Variants in SHROOM4 observed in about 807,000 individuals in gnomAD.
SHROOM4 encodes the protein protein Shroom4.
In SHROOM4, 17 loss-of-function variants were observed where a neutral mutation model predicts 80.3. The ratio of observed to expected loss-of-function variants is 0.21; its 90% CI spans 0.14 to 0.32. The LOEUF (loss-of-function observed/expected upper bound fraction) is 0.32. SHROOM4 is among the 10% of genes least tolerant of loss of function. The pLI, the probability that SHROOM4 is intolerant of heterozygous loss-of-function variation, is 1.00. For missense variants in SHROOM4, 993 were observed against 1,140.3 expected, an observed-to-expected ratio of 0.87 and a Z score of 1.86; for synonymous variants, 400 against 437.5, an observed-to-expected ratio of 0.91 and a Z score of 1.07.
At chrX:50,661,192 A>G (rs1279189706) in intron 2 of SHROOM4, among the ~76,000 whole-genome samples, 3 of 110,209 alleles carry the variant, frequency 2.7e-5, no homozygotes, top group Non-Finnish European at 5.7e-5. Flanking sequence ...TATGGCTTCC[A>G]GGTTTTTTTG....
chrX:50,682,753 C>T (rs1227881977), intron 2 of SHROOM4, among the ~76,000 whole-genome samples: 3 of 111,688 alleles, frequency 2.7e-5, no homozygotes, highest in Non-Finnish European at 5.6e-5. Flanking sequence ...TGAAAAGGCA[C>T]AGAGATATGA....
chrX:50,783,871 C>T (rs146654236), intron 1 of SHROOM4, among the ~76,000 whole-genome samples: 446 of 111,668 alleles, frequency 4.0e-3, no homozygotes, highest in African/African-American at 0.014. Flanking sequence ...ACACCGTGCC[C>T]GGCCAGATTC....
intron 1 of SHROOM4, among the ~76,000 whole-genome samples, chrX:50,783,351 G>C (rs932183121): frequency 2.7e-5 from 3 of 111,861 alleles, no homozygotes; most frequent in Non-Finnish European, 5.6e-5. Flanking sequence ...AAAGTACTTA[G>C]AGATAAATTT....
At chrX:50,791,805 T>A (rs1192535218) in intron 1 of SHROOM4, among the ~76,000 whole-genome samples, 1 of 109,644 alleles carries the variant, frequency 9.1e-6, no homozygotes, top group Non-Finnish European at 1.9e-5. Flanking sequence ...AAAGCTGGAT[T>A]CCCTGATTTC....
At chrX:50,620,115 C>G (rs1203300962) in intron 5 of SHROOM4, among the ~76,000 whole-genome samples, 1 of 111,383 alleles carries the variant, frequency 9.0e-6, no homozygotes, top group Non-Finnish European at 1.9e-5. Flanking sequence ...TATATCAAAC[C>G]AACGTGGGCC....
chrX:50,718,884 T>C (rs1185995487), intron 1 of SHROOM4, among the ~76,000 whole-genome samples: 3 of 111,436 alleles, frequency 2.7e-5, no homozygotes, highest in African/African-American at 9.8e-5. Context: ...CAATGCAAAC[T>C]TACACACACA....
intron 5 of SHROOM4, among the ~76,000 whole-genome samples, chrX:50,616,490 T>C (rs1240348061): frequency 8.9e-6 from 1 of 111,953 alleles, no homozygotes; most frequent in Admixed American, 9.4e-5. Flanking sequence ...AATTAATAAA[T>C]ATATTGCCAA....
rs782521391 is a variant in SHROOM4 at position 50,598,493 on chromosome X, G to T, written c.3985C>A (p.Arg1329=). Residue 1329 remains arginine, a synonymous_variant, in exon 8 of 9, where the codon CGG becomes AGG. Coordinates refer to ENST00000376020, the MANE Select transcript of SHROOM4 (RefSeq NM_020717.5). ...ESISRKLSVL[R]EAQRGLLEDI... is the part of the protein sequence containing the mutation. ...TCTAGCAGCCCTCGCTGGGCCTCCCGCAAGACAGAAAGTTTTCTGCTGATG... is the reference window on the plus strand; with the variant it reads ...TCTAGCAGCCCTCGCTGGGCCTCCCTCAAGACAGAAAGTTTTCTGCTGATG... The T allele has an allele frequency of 3.2e-5, 39 of 1,204,578 alleles. No homozygotes were observed. The highest frequency in any genetic ancestry group is 4.3e-5 in the Non-Finnish European group (38 of 892,415).
At chrX:50,616,400 C>T (rs181763693) in intron 5 of SHROOM4, among the ~76,000 whole-genome samples, 61 of 111,014 alleles carry the variant, frequency 5.5e-4, no homozygotes, top group South Asian at 4.2e-3. Flanking sequence ...TAGTTGTGTT[C>T]ACAGAACTTC....
intron 1 of SHROOM4, among the ~76,000 whole-genome samples, chrX:50,750,167 G>T (rs1557267935): frequency 8.9e-6 from 1 of 112,226 alleles, no homozygotes; most frequent in Non-Finnish European, 1.9e-5. Flanking sequence ...ACAAAAGAAT[G>T]CCATATGTGC....
At chrX:50,673,338 A>G (rs1354233751) in intron 2 of SHROOM4, among the ~76,000 whole-genome samples, 1 of 111,463 alleles carries the variant, frequency 9.0e-6, no homozygotes, top group Non-Finnish European at 1.9e-5. Context: ...TGACAATATC[A>G]ATAAACTGTG....
intron 5 of SHROOM4, among the ~76,000 whole-genome samples, chrX:50,613,251 C>T (rs1358731826): frequency 9.0e-6 from 1 of 111,043 alleles, no homozygotes; most frequent in Non-Finnish European, 1.9e-5. Flanking sequence ...GTAGCTAGGA[C>T]TATAGGCATG....
At chrX:50,653,811 T>C (rs1932206708) in intron 2 of SHROOM4, among the ~76,000 whole-genome samples, 1 of 112,031 alleles carries the variant, frequency 8.9e-6, no homozygotes, top group African/African-American at 3.2e-5. Flanking sequence ...TCTGCATCTA[T>C]GGAGATAATT....
chrX:50,627,683 G>A lies in SHROOM4; in HGVS notation c.2896-8C>T. The A allele has an allele frequency of 8.3e-7, 1 of 1,199,351 alleles. No individual in the cohort carries two copies. The highest frequency in any genetic ancestry group is 1.1e-6 in the Non-Finnish European group (1 of 884,484). ...TTTGTCCCCAGGAAATTCCTGTAAA[G>A]AAAAATCCTGATAAGTTAGAAAGCT... On this transcript the variant is annotated splice_polypyrimidine_tract_variant and splice_region_variant and intron_variant, in intron 4 of 8. Coordinates refer to ENST00000376020, the MANE Select transcript of SHROOM4 (RefSeq NM_020717.5).
intron 2 of SHROOM4, among the ~76,000 whole-genome samples, chrX:50,672,361 A>C (rs1402365465): frequency 8.9e-6 from 1 of 112,265 alleles, no homozygotes; most frequent in Non-Finnish European, 1.9e-5. Flanking sequence ...AAAAACCATA[A>C]TTATCTGCAA....
chrX:50,611,700 A>C (rs1557249927), intron 5 of SHROOM4, among the ~76,000 whole-genome samples: 1 of 110,647 alleles, frequency 9.0e-6, no homozygotes, highest in African/African-American at 3.3e-5. Flanking sequence ...CGGGCGGATC[A>C]CTTGAGGCCA....
At chrX:50,625,589 CA>C (rs1930766158) in intron 5 of SHROOM4, among the ~76,000 whole-genome samples, 1 of 110,735 alleles carries the variant, frequency 9.0e-6, no homozygotes, top group Non-Finnish European at 1.9e-5. Context: ...TTACAATAAA[CA>C]AACTCCCCTC....
chrX:50,682,695 AAAG>A (rs782504949), intron 2 of SHROOM4, among the ~76,000 whole-genome samples: 4 of 112,057 alleles, frequency 3.6e-5, no homozygotes, highest in Non-Finnish European at 5.6e-5. Context: ...TTAGCTAAAC[AAAG>A]AAGAGGAAGG....
At position 50,612,457 on chromosome X, in the gene SHROOM4, G is replaced by GA. The variant is rs200120129; in HGVS notation, c.2958-4274dup. On this transcript the variant is annotated intron_variant, in intron 5 of 8. Transcript: ENST00000376020. ...TGTGTTAATTCTACCAACCTTCAAG[G>GA]AAAAAAAATCAAACCAATGTTATTT... Among the ~76,000 whole-genome samples, 621 of 110,427 alleles carry GA rather than the reference G, an allele frequency of 5.6e-3. 2 individuals carry two copies. Among genetic ancestry groups the GA allele is most frequent in the African/African-American group, 0.02 (595 of 30,442 alleles).
Sources: gnomAD v4.1 joint callset for allele counts (sites outside exome capture counted in the v4.1 genomes callset) on GRCh38, gnomAD v4.1.1 for gene constraint, MANE v1.5 for transcripts, NCBI Gene and HGNC (gene_info 2026-07-23, HGNC 2026-07-21) for gene names.